The following KCTD16 variants were observed in gnomAD, a reference collection of about 807,000 sequenced individuals.
The protein encoded by KCTD16 is BTB/POZ domain-containing protein KCTD16.
In KCTD16, 13 loss-of-function variants were observed where a neutral mutation model predicts 33.2. The ratio of observed to expected loss-of-function variants is 0.39; its 90% CI spans 0.25 to 0.62. KCTD16 has a LOEUF of 0.62. KCTD16 is among the 20% of genes least tolerant of loss of function. The pLI is 0.50. For synonymous variants in KCTD16, 197 were observed against 195.3 expected, an observed-to-expected ratio of 1.01 and a Z score of -0.07; for missense variants, 441 against 525.1, an observed-to-expected ratio of 0.84 and a Z score of 1.57.
chr5:144,367,424 C>G (rs1484216692), intron 3 of KCTD16, among the ~76,000 whole-genome samples: 1 of 152,066 alleles, frequency 6.6e-6, no homozygotes. Flanking sequence ...TAACATTGTA[C>G]GTTAAAATAG....
At chr5:144,197,362 C>T (rs566247666) in intron 2 of KCTD16, among the ~76,000 whole-genome samples, 2 of 152,132 alleles carry the variant, frequency 1.3e-5, no homozygotes, top group African/African-American at 2.4e-5. Context: ...ATAAACATTT[C>T]ACTTTTCACA....
chr5:144,468,849 TA>T (rs1482964328), intron 3 of KCTD16, among the ~76,000 whole-genome samples: 1 of 152,204 alleles, frequency 6.6e-6, no homozygotes, highest in Non-Finnish European at 1.5e-5. Context: ...GCAGAGCTTT[TA>T]AAAATGCATA....
intron 2 of KCTD16, among the ~76,000 whole-genome samples, chr5:144,189,942 A>G (rs545353730): frequency 5.9e-5 from 9 of 152,306 alleles, no homozygotes; most frequent in Admixed American, 2.0e-4. Flanking sequence ...CTGACAACCC[A>G]CAACCTGTGA....
intron 2 of KCTD16, among the ~76,000 whole-genome samples, chr5:144,194,883 G>C (rs1192537413): frequency 6.6e-6 from 1 of 152,124 alleles, no homozygotes; most frequent in Non-Finnish European, 1.5e-5. Flanking sequence ...GGTATTTTTT[G>C]TGAATACTAT....
intron 3 of KCTD16, among the ~76,000 whole-genome samples, chr5:144,257,385 C>T (rs1754878464): frequency 6.6e-6 from 1 of 152,160 alleles, no homozygotes; most frequent in South Asian, 2.1e-4. Flanking sequence ...TACTGAACCA[C>T]TAAGAATGAC....
chr5:144,230,278 T>C (rs1754063286), intron 3 of KCTD16, among the ~76,000 whole-genome samples: 1 of 152,250 alleles, frequency 6.6e-6, no homozygotes. Flanking sequence ...AGTATAAAAG[T>C]GTTTGAGTAA....
intron 3 of KCTD16, among the ~76,000 whole-genome samples, chr5:144,298,487 C>G (rs573692461): frequency 2.0e-5 from 3 of 152,168 alleles, no homozygotes; most frequent in Non-Finnish European, 4.4e-5. Flanking sequence ...GGCTATTGGA[C>G]ACACAGGCCT....
intron 3 of KCTD16, among the ~76,000 whole-genome samples, chr5:144,306,583 G>A (rs1381521953): frequency 6.6e-6 from 1 of 152,190 alleles, no homozygotes; most frequent in African/African-American, 2.4e-5. Context: ...CTTGGCAGGT[G>A]TCAACCTATA....
At chr5:144,420,400 T>TATA (rs1360794144) in intron 3 of KCTD16, among the ~76,000 whole-genome samples, 4 of 152,074 alleles carry the variant, frequency 2.6e-5, no homozygotes. Flanking sequence ...GAACTTAAAG[T>TATA]ATAATAATAA....
At chr5:144,239,392 T>A (rs1754340803) in intron 3 of KCTD16, among the ~76,000 whole-genome samples, 1 of 152,164 alleles carries the variant, frequency 6.6e-6, no homozygotes, top group Non-Finnish European at 1.5e-5. Context: ...TTTTAAATTG[T>A]CTTCTTTACA....
chr5:144,354,132 A>C (rs1445733359), intron 3 of KCTD16, among the ~76,000 whole-genome samples: 1 of 152,290 alleles, frequency 6.6e-6, no homozygotes, highest in East Asian at 1.9e-4. Context: ...GATAATAAAA[A>C]TATGTACCAT....
Position 144,204,196 on chromosome 5 carries a change from G to A in KCTD16, c.-326-2193G>A, listed in dbSNP as rs570202058. On this transcript the variant is annotated intron_variant, in intron 2 of 3. Transcript: ENST00000512467. ...TTGGGCAAGAGTTGGCAATAAACAC[G>A]TTTCTCATAAAATGTATATAATTCC... Among the ~76,000 whole-genome samples, 4 of 152,282 alleles carry A rather than the reference G, an allele frequency of 2.6e-5. No individual in the cohort carries two copies. In the East Asian group the frequency reaches 7.7e-4, roughly 29 times the overall value.
chr5:144,418,801 A>C (rs1753143368), intron 3 of KCTD16, among the ~76,000 whole-genome samples: 1 of 152,172 alleles, frequency 6.6e-6, no homozygotes. Flanking sequence ...GTGCCAGACC[A>C]TGCTTGAAGA....
At chr5:144,352,301 A>C (rs192098173) in intron 3 of KCTD16, among the ~76,000 whole-genome samples, 1 of 152,180 alleles carries the variant, frequency 6.6e-6, no homozygotes, top group East Asian at 1.9e-4. Flanking sequence ...GAAGGGAATA[A>C]GGGCAGACAT....
intron 3 of KCTD16, among the ~76,000 whole-genome samples, chr5:144,423,307 G>C (rs928139366): frequency 6.6e-6 from 1 of 152,132 alleles, no homozygotes; most frequent in African/African-American, 2.4e-5. Context: ...AAGCAAGGGA[G>C]TGACATAATT....
At chr5:144,466,601 T>C (rs1276668540) in intron 3 of KCTD16, among the ~76,000 whole-genome samples, 1 of 152,060 alleles carries the variant, frequency 6.6e-6, no homozygotes, top group Non-Finnish European at 1.5e-5. Context: ...CTTTTAAATA[T>C]CCCTCATAGA....
chr5:144,355,184 T>C lies in KCTD16; in HGVS notation c.833-118476T>C, dbSNP rs565705649. 1.9e-4 allele frequency among the ~76,000 whole-genome samples: 29 copies of C among 152,210 alleles called. No individual in the cohort carries two copies. In the South Asian group the frequency reaches 5.4e-3, roughly 28 times the overall value. ...GCTTGCCCTCCAGTCATTATACAGA[T>C]AGGAATTTTCAGATGACAACAATAT... On this transcript the variant is annotated intron_variant, in intron 3 of 3. Coordinates refer to ENST00000512467, the MANE Select transcript of KCTD16 (RefSeq NM_020768.4).
chr5:144,416,767 G>A (rs916595839), intron 3 of KCTD16, among the ~76,000 whole-genome samples: 3 of 152,066 alleles, frequency 2.0e-5, no homozygotes, highest in Non-Finnish European at 4.4e-5. Flanking sequence ...CCATTAACCA[G>A]TTTTTCCCCA....
chr5:144,400,429 G>A (rs748615839), intron 3 of KCTD16, among the ~76,000 whole-genome samples: 8 of 152,196 alleles, frequency 5.3e-5, no homozygotes, highest in African/African-American at 9.7e-5. Context: ...GAGCACAGCT[G>A]CAGGGACCCT....
Sources: gnomAD v4.1 joint callset for allele counts (sites outside exome capture counted in the v4.1 genomes callset) on GRCh38, gnomAD v4.1.1 for gene constraint, MANE v1.5 for transcripts, NCBI Gene and HGNC (gene_info 2026-07-23, HGNC 2026-07-21) for gene names.